The following NCOR2 variants were observed in gnomAD, a reference collection of about 807,000 sequenced individuals.
NCOR2 encodes the protein nuclear receptor corepressor 2.
Under a neutral mutation model 262.9 loss-of-function variants are expected in NCOR2, and 81 were observed. The observed-to-expected ratio is 0.31, with a 90% confidence interval of 0.26 to 0.37. The LOEUF is 0.37. NCOR2 is among the 10% of genes least tolerant of loss of function. The pLI is 1.00. For synonymous variants in NCOR2, 1,659 were observed against 1,559.3 expected, an observed-to-expected ratio of 1.06 and a Z score of -1.51; for missense variants, 3,385 against 3,621.4, an observed-to-expected ratio of 0.93 and a Z score of 1.68.
intron 37 of NCOR2, among the ~76,000 whole-genome samples, chr12:124,339,149 A>AGC (rs2036170150): frequency 7.1e-6 from 1 of 141,776 alleles, no homozygotes; most frequent in African/African-American, 2.8e-5. Flanking sequence ...CCATCCATCC[A>AGC]TCCACCCAGT....
chr12:124,366,563 G>C (rs1236580000), intron 20 of NCOR2, among the ~76,000 whole-genome samples: 1 of 152,114 alleles, frequency 6.6e-6, no homozygotes, highest in Non-Finnish European at 1.5e-5. Context: ...TCAGGCTGGA[G>C]TGCAGTGCTG....
intron 31 of NCOR2, among the ~76,000 whole-genome samples, chr12:124,345,851 G>A (rs1566373440): frequency 6.6e-6 from 1 of 152,118 alleles, no homozygotes; most frequent in Admixed American, 6.5e-5. Flanking sequence ...CCACAGCCCC[G>A]TGGTGGCTCC....
rs778336159 is a variant in NCOR2, at chr12:124,336,717, C to T, written c.6115+36G>A. 9 of 1,607,074 alleles carry T rather than the reference C, an allele frequency of 5.6e-6. No homozygotes were observed. In the South Asian group the frequency reaches 7.8e-5, roughly 14 times the overall value. On this transcript the variant is annotated intron_variant, in intron 38 of 46. Coordinates refer to ENST00000405201, the Ensembl canonical transcript of NCOR2. ...TGAGCAATTTGACGCATGATAATCG[C>T]GTCTATGAAGGTGGCCGCTGTCAGG... is the stretch of plus-strand genomic sequence containing the variant.
intron 16 of NCOR2, among the ~76,000 whole-genome samples, chr12:124,396,329 T>G (rs534677618): frequency 6.6e-6 from 1 of 152,354 alleles, no homozygotes; most frequent in Admixed American, 6.5e-5. Context: ...GTTAGAATGC[T>G]GAGCTTCGTG....
intron 1 of NCOR2, among the ~76,000 whole-genome samples, chr12:124,533,655 A>C (rs1002263126): frequency 2.8e-4 from 42 of 152,218 alleles, no homozygotes; most frequent in Non-Finnish European, 1.5e-5. Flanking sequence ...AGCCTGGCAC[A>C]CAGTAGGTGC....
chr12:124,490,609 A>G (rs1435384560), intron 1 of NCOR2, among the ~76,000 whole-genome samples: 3 of 151,332 alleles, frequency 2.0e-5, no homozygotes, highest in Non-Finnish European at 4.4e-5. Flanking sequence ...CAAGGGGGCC[A>G]TGAAGCTAAT....
intron 22 of NCOR2, 55 bp downstream of exon 24, chr12:124,362,071 T>C: frequency 8.0e-7 from 1 of 1,244,664 alleles, no homozygotes; most frequent in Non-Finnish European, 1.0e-6. Context: ...CAAACATCCC[T>C]TGCCCGTCAG....
rs1301494985 is a variant in NCOR2 at position 124,373,779 on chromosome 12, C to A, written c.2218+634G>T. On this transcript the variant is annotated intron_variant, in intron 19 of 46. Coordinates refer to ENST00000405201, the Ensembl canonical transcript of NCOR2. ...CATGAGGCCAGTGCGTGTGCAGGGG[C>A]CCTGGGCACGGTGGACAATCATGAG... Among the ~76,000 whole-genome samples, 17 of 15,774 alleles carry A rather than the reference C, an allele frequency of 1.1e-3. 5 individuals carry two copies. Among genetic ancestry groups the A allele is most frequent in the Non-Finnish European group, 3.7e-3 (12 of 3,222 alleles). 10.3% of individuals were successfully genotyped at this position (15,774 alleles called of 152,430 possible). A position where few individuals can be genotyped will look rare whatever the true frequency, so the allele number is the denominator to read the frequency against.
chr12:124,341,883 G>T, exon 34 of NCOR2: 1 of 1,612,392 alleles, frequency 6.2e-7, no homozygotes. Context: ...AGGCCCCTCA[G>T]CATATCAGCT....
intron 41 of NCOR2, among the ~76,000 whole-genome samples, chr12:124,333,891 T>TGCGCGCGCATGTGTGTGG (rs1284127802): frequency 7.0e-6 from 1 of 143,754 alleles, no homozygotes; most frequent in Admixed American, 6.9e-5. Context: ...TGTGCATGTG[T>TGCGCGCGCATGTGTGTGG]GTGTGCGCGC....
chr12:124,551,971 G>T (rs2051727836), intron 1 of NCOR2, among the ~76,000 whole-genome samples: 1 of 152,012 alleles, frequency 6.6e-6, no homozygotes, highest in Admixed American at 6.6e-5. Flanking sequence ...TTATTTTCTG[G>T]TCAACCATTG....
intron 10 of NCOR2, 110 bp from the exon 13 acceptor site, chr12:124,426,910 G>T: frequency 1.0e-6 from 1 of 1,004,416 alleles, no homozygotes; most frequent in Non-Finnish European, 1.4e-6. Context: ...CCAGAGCAGG[G>T]AAAACGCGAA....
At chr12:124,325,378 C>CCG (rs1555297222) in exon 47 of NCOR2, 60 of 232,286 alleles carry the variant, frequency 2.6e-4, no homozygotes, top group South Asian at 5.8e-4. Context: ...CCTGACACCG[C>CCG]CCCCCCCCCC....
intron 1 of NCOR2, among the ~76,000 whole-genome samples, chr12:124,554,893 A>C (rs1357922641): frequency 6.6e-6 from 1 of 152,242 alleles, no homozygotes; most frequent in Admixed American, 6.5e-5. Flanking sequence ...GGAGCCTTCG[A>C]GGGTGACCCG....
intron 1 of NCOR2, among the ~76,000 whole-genome samples, chr12:124,560,081 C>A (rs1409106346): frequency 6.6e-6 from 1 of 152,192 alleles, no homozygotes; most frequent in Non-Finnish European, 1.5e-5. Context: ...GTTTTAGGGC[C>A]TACCTGGAAT....
At chr12:124,505,194 T>C (rs1333822885) in intron 1 of NCOR2, among the ~76,000 whole-genome samples, 2 of 152,198 alleles carry the variant, frequency 1.3e-5, no homozygotes, top group Non-Finnish European at 1.5e-5. Flanking sequence ...CCTGGCTGGT[T>C]GGACTCAATG....
intron 7 of NCOR2, among the ~76,000 whole-genome samples, chr12:124,449,464 G>A (rs957950624): frequency 2.0e-5 from 3 of 152,142 alleles, no homozygotes; most frequent in East Asian, 1.9e-4. Context: ...TCCCTGAGCC[G>A]GCTGCCTTCT....
At chr12:124,537,552 A>C (rs1032765582), upstream of NCOR2, among the ~76,000 whole-genome samples, 1 of 152,236 alleles carries the variant, frequency 6.6e-6, no homozygotes, top group African/African-American at 2.4e-5. Flanking sequence ...CCCATCTCTA[A>C]AATGGAAACG....
intron 23 of NCOR2, 128 bp from the exon 26 acceptor site, chr12:124,355,699 T>C (rs1248037722): frequency 1.5e-6 from 2 of 1,323,292 alleles, no homozygotes; most frequent in Non-Finnish European, 2.0e-6. Flanking sequence ...CGCACTCCTC[T>C]ATTGCCCTGC....
Sources: gnomAD v4.1 joint callset for allele counts (sites outside exome capture counted in the v4.1 genomes callset) on GRCh38, gnomAD v4.1.1 for gene constraint, MANE v1.5 for transcripts, NCBI Gene and HGNC (gene_info 2026-07-23, HGNC 2026-07-21) for gene names.